The following STXBP5L variants were observed in gnomAD, a reference collection of about 807,000 sequenced individuals.
The protein encoded by STXBP5L is syntaxin binding protein 5L, also known as syntaxin-binding protein 5-like.
STXBP5L carries 65 observed loss-of-function variants against 144.5 expected under a neutral mutation model. That is an observed-to-expected ratio of 0.45 (90% CI 0.37 to 0.55). STXBP5L has a LOEUF of 0.55. Ranked by LOEUF, STXBP5L falls within the 20% of genes least tolerant of loss-of-function variation. STXBP5L has a pLI of 0.00. For synonymous variants in STXBP5L, 505 were observed against 469.6 expected (o/e 1.08, Z -0.97); for missense variants, 1,298 against 1,405.5 (o/e 0.92, Z 1.22).
chr3:121,332,880 G>T (rs1330373116), intron 20 of STXBP5L, among the ~76,000 whole-genome samples: 1 of 151,882 alleles, frequency 6.6e-6, no homozygotes, highest in African/African-American at 2.4e-5. Flanking sequence ...AAAAGCATCA[G>T]GTAACCTATA....
At chr3:121,142,892 G>T (rs972424357) in intron 7 of STXBP5L, among the ~76,000 whole-genome samples, 4 of 151,444 alleles carry the variant, frequency 2.6e-5, no homozygotes, top group African/African-American at 9.7e-5. Context: ...CATTAGAGGA[G>T]AAATAAATGA....
intron 19 of STXBP5L, among the ~76,000 whole-genome samples, chr3:121,309,177 G>A (rs1326780013): frequency 1.3e-5 from 2 of 151,956 alleles, no homozygotes; most frequent in African/African-American, 4.8e-5. Context: ...AATGTTAAGT[G>A]ATTAAACAAT....
At chr3:121,051,691 G>A (rs904434392) in intron 5 of STXBP5L, among the ~76,000 whole-genome samples, 14 of 151,928 alleles carry the variant, frequency 9.2e-5, no homozygotes, top group Non-Finnish European at 1.3e-4. Context: ...AGAAGCAAGA[G>A]GAAACACATT....
intron 6 of STXBP5L, among the ~76,000 whole-genome samples, chr3:121,119,962 G>C (rs61661959): frequency 1.3e-5 from 2 of 151,230 alleles, no homozygotes; most frequent in African/African-American, 4.8e-5. Context: ...CATGTGATCC[G>C]AGTAGTGTTT....
chr3:121,132,632 T>C (rs1256925866), intron 7 of STXBP5L, among the ~76,000 whole-genome samples: 1 of 152,032 alleles, frequency 6.6e-6, no homozygotes, highest in East Asian at 1.9e-4. Flanking sequence ...CAGACAAAAA[T>C]ATTTAAACAA....
chr3:121,407,097 G>A (rs2047009332), intron 22 of STXBP5L, 146 bp from the exon 23 acceptor site: 2 of 984,998 alleles, frequency 2.0e-6, no homozygotes, highest in Admixed American at 3.5e-5. Flanking sequence ...TATTATAACA[G>A]ATGAGCTCAC....
chr3:121,215,002 T>C (rs971162444), intron 10 of STXBP5L, among the ~76,000 whole-genome samples: 2 of 152,204 alleles, frequency 1.3e-5, no homozygotes, highest in Non-Finnish European at 2.9e-5. Context: ...AAGACTGTTT[T>C]ATCAGAGATT....
At chr3:120,951,152 T>G (rs1293951420) in intron 2 of STXBP5L, among the ~76,000 whole-genome samples, 1 of 151,914 alleles carries the variant, frequency 6.6e-6, no homozygotes, top group Non-Finnish European at 1.5e-5. Flanking sequence ...AAAAATCAAT[T>G]CAAGATGGAT....
intron 19 of STXBP5L, among the ~76,000 whole-genome samples, chr3:121,312,740 G>A (rs1246544930): frequency 1.3e-5 from 2 of 151,778 alleles, no homozygotes; most frequent in African/African-American, 2.4e-5. Flanking sequence ...AACGCTGAGT[G>A]GACACAGCAC....
chr3:121,046,683 T>C (rs2107570546), intron 5 of STXBP5L, among the ~76,000 whole-genome samples: 1 of 152,248 alleles, frequency 6.6e-6, no homozygotes, highest in East Asian at 1.9e-4. Context: ...GTTTTTTATA[T>C]TTCTGTGGGG....
chr3:120,959,518 T>C (rs1043664704), intron 3 of STXBP5L, among the ~76,000 whole-genome samples: 7 of 152,168 alleles, frequency 4.6e-5, no homozygotes, highest in African/African-American at 1.7e-4. Flanking sequence ...AAGGCTACAG[T>C]AAGCAAAACA....
chr3:121,085,777 C>T (rs1038499312), intron 5 of STXBP5L, among the ~76,000 whole-genome samples: 2 of 152,010 alleles, frequency 1.3e-5, no homozygotes, highest in Admixed American at 6.6e-5. Context: ...CAATGCTATT[C>T]CCATTAAACT....
intron 22 of STXBP5L, among the ~76,000 whole-genome samples, chr3:121,403,301 A>C (rs1223209805): frequency 6.6e-6 from 1 of 152,132 alleles, no homozygotes; most frequent in Non-Finnish European, 1.5e-5. Flanking sequence ...GGTTAATACA[A>C]TAGTCTGGAT....
At chr3:121,092,362 A>T (rs1271381178) in intron 5 of STXBP5L, among the ~76,000 whole-genome samples, 1 of 152,136 alleles carries the variant, frequency 6.6e-6, no homozygotes, top group Non-Finnish European at 1.5e-5. Flanking sequence ...TACCTTGGGC[A>T]GTATGGCCAT....
intron 3 of STXBP5L, among the ~76,000 whole-genome samples, chr3:121,029,209 C>A (rs1946182978): frequency 6.6e-6 from 1 of 152,092 alleles, no homozygotes; most frequent in South Asian, 2.1e-4. Context: ...CAAAAAAGAG[C>A]CCATATAGCC....
In STXBP5L at chr3:121,003,733, G is replaced by C. The variant is rs564689932; in HGVS notation, c.288-37967G>C. On this transcript the variant is annotated intron_variant, in intron 3 of 26. Transcript: ENST00000471454. ...CCATCTTGAATTAATTTTTGTATAA[G>C]GTGTAAGGAAGGGATCCAGTTTCAG... 4.1e-3 allele frequency among the ~76,000 whole-genome samples: 630 copies of C among 152,224 alleles called. 2 individuals are homozygous for C. Among genetic ancestry groups the C allele is most frequent in the African/African-American group, 0.014 (592 of 41,526 alleles).
chr3:121,211,003 T>A (rs1366958801), intron 10 of STXBP5L, among the ~76,000 whole-genome samples: 1 of 152,216 alleles, frequency 6.6e-6, no homozygotes, highest in Non-Finnish European at 1.5e-5. Context: ...TGGCATTGAA[T>A]CTATAAATTA....
At chr3:121,268,784 G>T (rs2050652176) in intron 18 of STXBP5L, among the ~76,000 whole-genome samples, 1 of 152,046 alleles carries the variant, frequency 6.6e-6, no homozygotes, top group Non-Finnish European at 1.5e-5. Context: ...CAAAAGACCA[G>T]TCAGGGTATT....
intron 5 of STXBP5L, among the ~76,000 whole-genome samples, chr3:121,073,146 G>GT (rs1486521570): frequency 6.6e-6 from 1 of 152,174 alleles, no homozygotes; most frequent in African/African-American, 2.4e-5. Flanking sequence ...AGTCCGTTAA[G>GT]TTTTTTTGGC....
Sources: allele counts gnomAD v4.1 joint callset (sites outside exome capture counted in the v4.1 genomes callset), GRCh38; gene constraint gnomAD v4.1.1; transcripts MANE v1.5; gene names NCBI Gene and HGNC (gene_info 2026-07-23, HGNC 2026-07-21).